The following CCDC7 variants were observed in gnomAD, a reference collection of about 807,000 sequenced individuals.
CCDC7 encodes coiled-coil domain-containing protein 7.
In CCDC7, 183 loss-of-function variants were observed where a neutral mutation model predicts 196.9. That is an observed-to-expected ratio of 0.93 (90% CI 0.82 to 1.05). The LOEUF (loss-of-function observed/expected upper bound fraction) is 1.05, where lower values mean the gene tolerates loss of function less well. Among genes scored for constraint, CCDC7 ranks in the 50% least tolerant of loss-of-function variants. The pLI is 0.00. For synonymous variants in CCDC7, 525 were observed against 484.6 expected (o/e 1.08, Z -1.10); for missense variants, 1,540 against 1,482.2 (o/e 1.04, Z -0.64).
intron 9 of CCDC7, among the ~76,000 whole-genome samples, chr10:32,500,714 G>T (rs1311716762): frequency 6.6e-6 from 1 of 152,222 alleles, no homozygotes; most frequent in Admixed American, 6.5e-5. Context: ...GGTGGAGGTT[G>T]TAGCCAGCCA....
At chr10:32,536,814 G>T (rs896973811) in intron 11 of CCDC7, among the ~76,000 whole-genome samples, 5 of 152,140 alleles carry the variant, frequency 3.3e-5, no homozygotes, top group African/African-American at 1.2e-4. Flanking sequence ...CTGTGTTGCT[G>T]CAGAGGATAT....
At chr10:32,881,381 A>T (rs532713742), downstream of CCDC7, among the ~76,000 whole-genome samples, 63 of 152,250 alleles carry the variant, frequency 4.1e-4, 1 homozygote, top group African/African-American at 1.4e-3. Context: ...AACTTAAAGG[A>T]TATAGGATAT....
intron 21 of CCDC7, among the ~76,000 whole-genome samples, chr10:32,668,134 G>A (rs1418173748): frequency 6.6e-6 from 1 of 152,068 alleles, no homozygotes; most frequent in Non-Finnish European, 1.5e-5. Context: ...TGAAGCAATT[G>A]TGAATGGGAG....
At chr10:32,657,789 T>C (rs1212238205) in intron 20 of CCDC7, among the ~76,000 whole-genome samples, 1 of 152,196 alleles carries the variant, frequency 6.6e-6, no homozygotes, top group Non-Finnish European at 1.5e-5. Flanking sequence ...AAAATGGGTT[T>C]TTCTTTTGTA....
intron 28 of CCDC7, among the ~76,000 whole-genome samples, chr10:32,732,031 A>G (rs956966027): frequency 3.3e-5 from 5 of 152,176 alleles, no homozygotes; most frequent in African/African-American, 7.2e-5. Flanking sequence ...AGCCTGGGCA[A>G]CAGAGTTAGA....
chr10:32,566,719 CT>C (rs1157399619), intron 14 of CCDC7, among the ~76,000 whole-genome samples: 1 of 151,494 alleles, frequency 6.6e-6, no homozygotes, highest in Non-Finnish European at 1.5e-5. Flanking sequence ...TGCGAACAGC[CT>C]GGGCAACATA....
chr10:32,548,091 C>T (rs544344010), intron 13 of CCDC7, among the ~76,000 whole-genome samples: 3 of 152,130 alleles, frequency 2.0e-5, no homozygotes, highest in Non-Finnish European at 4.4e-5. Context: ...ATTTAATTTT[C>T]TCAGCAAGGT....
At chr10:32,808,323 C>T (rs1316805724) in intron 30 of CCDC7, among the ~76,000 whole-genome samples, 5 of 152,092 alleles carry the variant, frequency 3.3e-5, no homozygotes, top group African/African-American at 1.2e-4. Flanking sequence ...CACAATAGGC[C>T]CAGAAACCTG....
At chr10:32,816,898 G>GA (rs1352289348) in intron 31 of CCDC7, among the ~76,000 whole-genome samples, 2 of 152,192 alleles carry the variant, frequency 1.3e-5, no homozygotes, top group East Asian at 1.9e-4. Context: ...AAAAAGAGCA[G>GA]AAAAAACAGA....
At chr10:32,637,689 C>T (rs898526593) in intron 20 of CCDC7, among the ~76,000 whole-genome samples, 2 of 152,256 alleles carry the variant, frequency 1.3e-5, no homozygotes, top group Non-Finnish European at 2.9e-5. Context: ...GTTCTTTTGG[C>T]TTAGAATTGA....
At chr10:32,711,781 A>G (rs750545336) in intron 25 of CCDC7, 51 bp downstream of exon 26, 10 of 1,170,854 alleles carry the variant, frequency 8.5e-6, no homozygotes, top group Non-Finnish European at 1.2e-5. Flanking sequence ...AAATCTCAAA[A>G]GAACTTTTTT....
chr10:32,773,563 C>G (rs2079505313), intron 28 of CCDC7, among the ~76,000 whole-genome samples: 1 of 151,784 alleles, frequency 6.6e-6, no homozygotes, highest in Admixed American at 6.6e-5. Context: ...AATTTTGTTC[C>G]TGAATTGTTT....
chr10:32,802,385 A>G (rs1274917331), intron 29 of CCDC7, among the ~76,000 whole-genome samples: 2 of 152,190 alleles, frequency 1.3e-5, no homozygotes, highest in Non-Finnish European at 2.9e-5. Flanking sequence ...ACCAAGAACT[A>G]TCAGTGTTCT....
At chr10:32,502,195 C>A (rs2044177749) in intron 9 of CCDC7, among the ~76,000 whole-genome samples, 1 of 152,138 alleles carries the variant, frequency 6.6e-6, no homozygotes, top group Non-Finnish European at 1.5e-5. Context: ...AAGCCAGGCA[C>A]CAAGAGAATT....
exon 35 of CCDC7, chr10:32,845,592 G>C: frequency 6.2e-7 from 1 of 1,612,520 alleles, no homozygotes; most frequent in Non-Finnish European, 8.5e-7. Context: ...GTCTAATGAA[G>C]GAGTCAACCA....
intron 41 of CCDC7, among the ~76,000 whole-genome samples, chr10:32,861,966 T>A (rs1477136923): frequency 1.3e-5 from 2 of 152,166 alleles, no homozygotes; most frequent in Admixed American, 6.5e-5. Flanking sequence ...ACACTGCTGG[T>A]GGGACTGTAA....
chr10:32,453,333 T>TC lies in CCDC7; in HGVS notation c.280-11_280-10insC, dbSNP rs2033576034. ...TAAAGTATCTAATTGGCTTTTATTT[T>TC]TTTTTTACAGGTTGTTTCCACTTTG... On this transcript the variant is annotated splice_polypyrimidine_tract_variant and intron_variant, in intron 1 of 41. Coordinates refer to ENST00000639629, the Ensembl canonical transcript of CCDC7. 2 of 1,483,906 alleles carry TC rather than the reference T, an allele frequency of 1.3e-6. No individual in the cohort carries two copies. The highest frequency in any genetic ancestry group is 5.0e-5 in the East Asian group (2 of 40,248). The allele number at this position is 1,483,906 out of a possible 1,614,324, so 91.9% of individuals were successfully genotyped here. A position where few individuals can be genotyped will look rare whatever the true frequency, so the allele number is the denominator to read the frequency against.
downstream of CCDC7, among the ~76,000 whole-genome samples, chr10:32,880,790 G>A (rs972760246): frequency 6.6e-6 from 1 of 152,080 alleles, no homozygotes; most frequent in Non-Finnish European, 1.5e-5. Context: ...TATTAGACAG[G>A]GCATCCTTTC....
In CCDC7 at chr10:32,594,024, C is replaced by T. The variant is rs190420418; in HGVS notation, c.1801+9720C>T. Among the ~76,000 whole-genome samples, 132 of 152,234 alleles carry T rather than the reference C, an allele frequency of 8.7e-4. 1 individual carries two copies. Among genetic ancestry groups the T allele is most frequent in the African/African-American group, 2.9e-3 (120 of 41,542 alleles). The stretch of plus-strand genomic sequence containing the variant: ...TTCTTTTGGCTTAGGATTGTCTTGG[C>T]AATGCAGGCTCTTTTTTGGTTCCAT... On this transcript the variant is annotated intron_variant, in intron 18 of 41. Transcript: ENST00000639629.
Sources: gnomAD v4.1 joint callset for allele counts (sites outside exome capture counted in the v4.1 genomes callset) on GRCh38, gnomAD v4.1.1 for gene constraint, MANE v1.5 for transcripts, NCBI Gene and HGNC (gene_info 2026-07-23, HGNC 2026-07-21) for gene names.